Variants in CASP14 observed in about 807,000 individuals in gnomAD.
The protein encoded by CASP14 is caspase 14.
Under a neutral mutation model 28.4 loss-of-function variants are expected in CASP14, and 27 were observed. The ratio of observed to expected loss-of-function variants is 0.95; its 90% CI spans 0.70 to 1.31. CASP14 has a LOEUF of 1.31. CASP14 is among the 50% of genes most tolerant of loss of function. The probability of loss-of-function intolerance (pLI) is 0.00; values close to 1 mark genes in which losing one functional copy is unlikely to be tolerated. For synonymous variants in CASP14, 115 were observed against 118.6 expected, an observed-to-expected ratio of 0.97 and a Z score of 0.20; for missense variants, 323 against 312.8, an observed-to-expected ratio of 1.03 and a Z score of -0.25.
Position 15,054,370 on chromosome 19 carries a change from G to A in CASP14, c.403+412G>A, listed in dbSNP as rs191401873. Among the ~76,000 whole-genome samples the A allele has an allele frequency of 8.2e-3, 1,242 of 152,284 alleles. 5 individuals carry two copies. Among genetic ancestry groups the A allele is most frequent in the Non-Finnish European group, 0.013 (904 of 68,022 alleles). ...AGGCGGGAAGATTTTTTGAGGCCAG[G>A]AGTTCAAGACTAGCGTCGAGCAATG... On this transcript the variant is annotated intron_variant, in intron 4 of 6. Transcript: ENST00000427043.
At chr19:15,055,316 C>G in intron 5 of CASP14, 42 bp downstream of exon 5, 1 of 1,570,690 alleles carries the variant, frequency 6.4e-7, no homozygotes, top group Non-Finnish European at 8.8e-7. Flanking sequence ...CTGCTCTTCC[C>G]CCTCTCCTGC....
intron 4 of CASP14, 54 bp downstream of exon 4, chr19:15,054,012 T>G: frequency 6.8e-7 from 1 of 1,465,634 alleles, no homozygotes; most frequent in East Asian, 2.3e-5. Flanking sequence ...CTGTTTTGTT[T>G]TTTGAGACAG....
At chr19:15,050,434 A>G (rs2046084764) in intron 1 of CASP14, among the ~76,000 whole-genome samples, 1 of 151,774 alleles carries the variant, frequency 6.6e-6, no homozygotes, top group Non-Finnish European at 1.5e-5. Context: ...TTCTAAGTGC[A>G]TAACACATAA....
Position 15,057,502 on chromosome 19 carries a change from C to A in CASP14, c.*1413C>A, listed in dbSNP as rs2046123023. 6.6e-6 allele frequency: 1 copy of A among 152,526 alleles called. No individual in the cohort carries two copies. The highest frequency in any genetic ancestry group is 1.5e-5 in the Non-Finnish European group (1 of 68,294). The allele number at this position is 152,526 out of a possible 1,614,324, so 9.4% of individuals were successfully genotyped here. On this transcript the variant is annotated 3_prime_UTR_variant, in exon 7 of 7. Coordinates refer to ENST00000427043, the MANE Select transcript of CASP14 (RefSeq NM_012114.3). Reference sequence around the variant, plus strand: ...TTGCAACCAACTTCCTCCCTTGCCTCTCTGCTTTTCCATCCCACTTTTCAT... The same window carrying A: ...TTGCAACCAACTTCCTCCCTTGCCTATCTGCTTTTCCATCCCACTTTTCAT...
At chr19:15,050,915 A>G (rs2046087732) in intron 1 of CASP14, among the ~76,000 whole-genome samples, 1 of 151,562 alleles carries the variant, frequency 6.6e-6, no homozygotes, top group African/African-American at 2.4e-5. Flanking sequence ...GATGGATGTT[A>G]AATTGGATTG....
rs760541603 is a variant in CASP14, at chr19:15,052,260, T to C, written c.9T>C (p.Asn3=). The stretch of plus-strand genomic sequence containing the variant: ...TCACAACCAAAGGAGAAATGAGCAA[T>C]CCGCGGTCTTTGGAAGAGGTAGGCT... The part of the protein sequence containing the change: MS[N]PRSLEEEKYD... Residue 3 remains asparagine (N), a synonymous_variant, in exon 2 of 7, where the codon AAT becomes AAC. Transcript: ENST00000427043. The C allele has an allele frequency of 1.6e-5, 26 of 1,591,656 alleles. No homozygotes were observed. The Admixed American group carries it at 3.5e-4, about 22-fold the overall frequency.
At chr19:15,049,898 C>T (rs895162119) in intron 1 of CASP14, among the ~76,000 whole-genome samples, 7 of 152,102 alleles carry the variant, frequency 4.6e-5, no homozygotes, top group Middle Eastern at 3.2e-3. Context: ...GTGCTCCCTG[C>T]CACACTGTTG....
Position 15,052,288 on chromosome 19 carries a change from G to T in CASP14, c.27+10G>T. 6.3e-7 allele frequency: 1 copy of T among 1,584,022 alleles called. No individual in the cohort carries two copies. Among genetic ancestry groups the T allele is most frequent in the South Asian group, 1.2e-5 (1 of 85,236 alleles). ...GCGGTCTTTGGAAGAGGTAGGCTGG[G>T]TGCAGGTTGAGGGGAGGGTGATCAT... On this transcript the variant is annotated intron_variant, in intron 2 of 6. Transcript: ENST00000427043.
rs1046725972 is a variant in CASP14 at position 15,058,208 on chromosome 19, G to A, written c.*2119G>A. 6.6e-6 allele frequency: 1 copy of A among 152,044 alleles called. No individual in the cohort carries two copies. The highest frequency in any genetic ancestry group is 1.5e-5 in the Non-Finnish European group (1 of 68,038). 9.4% of individuals were successfully genotyped at this position (152,044 alleles called of 1,614,324 possible). ...CCTTCCCTCTCACCCAGGATTAGAT[G>A]CTGGAAATGACCACTTCTGGAGGGC... On this transcript the variant is annotated 3_prime_UTR_variant, in exon 7 of 7. Coordinates refer to ENST00000427043, the MANE Select transcript of CASP14 (RefSeq NM_012114.3).
intron 2 of CASP14, among the ~76,000 whole-genome samples, chr19:15,052,528 T>C (rs1172485828): frequency 6.6e-6 from 1 of 152,150 alleles, no homozygotes; most frequent in Admixed American, 6.5e-5. Context: ...ACATTAAAGG[T>C]TCTGAGAAGT....
intron 1 of CASP14, among the ~76,000 whole-genome samples, chr19:15,050,321 T>TGTGAGAGA (rs201170850): frequency 7.0e-4 from 104 of 149,194 alleles, no homozygotes; most frequent in African/African-American, 2.3e-3. Flanking sequence ...TGTGTGTGTG[T>TGTGAGAGA]GAGAGAGAGA....
At chr19:15,050,472 AGGTG>A (rs1186967019) in intron 1 of CASP14, among the ~76,000 whole-genome samples, 2 of 127,506 alleles carry the variant, frequency 1.6e-5, no homozygotes, top group African/African-American at 5.7e-5. Flanking sequence ...TTTGCTGGGT[AGGTG>A]GGTGGGTGGG....
intron 1 of CASP14, among the ~76,000 whole-genome samples, 172 bp from the exon 2 acceptor site, chr19:15,052,034 A>C (rs1374804494): frequency 6.6e-6 from 1 of 152,102 alleles, no homozygotes; most frequent in Non-Finnish European, 1.5e-5. Flanking sequence ...TCTAGGGGTG[A>C]TATATTACTA....
intron 1 of CASP14, among the ~76,000 whole-genome samples, chr19:15,051,502 C>CAAA (rs3040744): frequency 0.013 from 1,075 of 84,556 alleles, 63 homozygotes; most frequent in African/African-American, 0.026. Flanking sequence ...GATTCTGTCT[C>CAAA]AAAAAAAAAA....
intron 5 of CASP14, 57 bp from the exon 6 acceptor site, chr19:15,055,373 G>T (rs2046111614): frequency 1.3e-6 from 2 of 1,573,422 alleles, no homozygotes; most frequent in Non-Finnish European, 1.7e-6. Context: ...GCCCTTCCAG[G>T]ATCCCCTCTA....
intron 4 of CASP14, 187 bp from the exon 5 acceptor site, chr19:15,054,971 G>A (rs572911147): frequency 1.6e-5 from 9 of 565,008 alleles, no homozygotes; most frequent in East Asian, 5.8e-5. Flanking sequence ...GCGACATCTC[G>A]CTCTGTCTCC....
In CASP14 at chr19:15,056,066, C is replaced by T. The variant is rs751321912; in HGVS notation, c.706C>T (p.Arg236Trp). 37 of 1,602,798 alleles carry T rather than the reference C, an allele frequency of 2.3e-5. No homozygotes were observed. Among genetic ancestry groups the T allele is most frequent in the Admixed American group, 8.5e-5 (5 of 58,600 alleles). ...KTNPEIQSTL[R>W]KRLYLQ ...GAACCCTGAAATCCAAAGCACCCTC[C>T]GGAAACGGCTGTATCTGCAGTAGAA... is the stretch of plus-strand genomic sequence containing the variant. The change falls in exon 7 of 7, where the codon CGG (arginine) becomes TGG (tryptophan). Residue 236 changes from arginine to tryptophan, a missense_variant. Arg to Trp is a moderately radical substitution (Grantham distance 101). Coordinates refer to ENST00000427043, the MANE Select transcript of CASP14 (RefSeq NM_012114.3).
chr19:15,051,745 C>A (rs898952762), intron 1 of CASP14, among the ~76,000 whole-genome samples: 2 of 152,102 alleles, frequency 1.3e-5, no homozygotes, highest in Admixed American at 1.3e-4. Context: ...GTTGCATTCC[C>A]CACTTCGATG....
intron 1 of CASP14, among the ~76,000 whole-genome samples, chr19:15,049,930 A>G (rs1262896832): frequency 6.6e-6 from 1 of 152,084 alleles, no homozygotes; most frequent in East Asian, 1.9e-4. Context: ...GACAGAGATA[A>G]TGAAGTCAGG....
Sources: allele counts gnomAD v4.1 joint callset (sites outside exome capture counted in the v4.1 genomes callset), GRCh38; gene constraint gnomAD v4.1.1; transcripts MANE v1.5; gene names NCBI Gene and HGNC (gene_info 2026-07-23, HGNC 2026-07-21).